Variants in KALRN observed in about 807,000 individuals in gnomAD.
KALRN encodes kalirin RhoGEF kinase.
In KALRN, 70 loss-of-function variants were observed where a neutral mutation model predicts 353.7. The observed-to-expected ratio is 0.20, with a 90% CI of 0.16 to 0.24. The LOEUF is 0.24. Ranked by LOEUF, KALRN falls within the 10% of genes least tolerant of loss-of-function variation. The pLI is 1.00. For missense variants in KALRN, 2,791 were observed against 3,756.7 expected, an observed-to-expected ratio of 0.74 and a Z score of 6.72; for synonymous variants, 1,391 against 1,434.8, an observed-to-expected ratio of 0.97 and a Z score of 0.69.
intron 1 of KALRN, among the ~76,000 whole-genome samples, chr3:124,049,283 G>T (rs751889940): frequency 3.9e-5 from 6 of 152,094 alleles, no homozygotes; most frequent in Non-Finnish European, 7.3e-5. Flanking sequence ...CCTGCTGTTG[G>T]CTAGGAGACT....
intron 33 of KALRN, among the ~76,000 whole-genome samples, chr3:124,538,261 T>TGTGC (rs58600704): frequency 2.9e-5 from 1 of 34,322 alleles, no homozygotes; most frequent in African/African-American, 3.2e-4. Flanking sequence ...TGTGTGTGTT[T>TGTGC]GTGTGTGTGT....
intron 23 of KALRN, among the ~76,000 whole-genome samples, chr3:124,460,327 T>A (rs1311571101): frequency 6.6e-6 from 1 of 152,172 alleles, no homozygotes; most frequent in Non-Finnish European, 1.5e-5. Context: ...TGGTTCCTTC[T>A]GTGACAACAA....
rs913412405 is a variant in KALRN, at chr3:124,623,698, C to A, written c.5183-8722C>A. Among the ~76,000 whole-genome samples the A allele has an allele frequency of 5.3e-5, 8 of 152,230 alleles. No individual in the cohort carries two copies. The East Asian group carries it at 1.4e-3, about 26-fold the overall frequency. On this transcript the variant is annotated intron_variant, in intron 34 of 59. Coordinates refer to ENST00000682506, the MANE Select transcript of KALRN (RefSeq NM_001388419.1). Reference sequence around the variant, plus strand: ...CAGAGTAAGGGTGGGTCTGCCTTCCCCAGCCCACTGACTCAAATGTTAACA... The same window carrying A: ...CAGAGTAAGGGTGGGTCTGCCTTCCACAGCCCACTGACTCAAATGTTAACA...
intron 1 of KALRN, among the ~76,000 whole-genome samples, chr3:124,126,695 C>A (rs1448823557): frequency 6.6e-6 from 1 of 152,232 alleles, no homozygotes; most frequent in Non-Finnish European, 1.5e-5. Flanking sequence ...CTTGCTATAA[C>A]TCATGTACAG....
In KALRN at chr3:124,434,540, T is replaced by G. The variant is rs1308207240; in HGVS notation, c.3048+15T>G. On this transcript the variant is annotated intron_variant, in intron 17 of 59. Coordinates refer to ENST00000682506, the MANE Select transcript of KALRN (RefSeq NM_001388419.1). ...CTTCTGAACAGGTGAGGGAAAAGACTGTGGGGCTTGTGGGGCTGAGATTGC... is the reference window on the plus strand; with the variant it reads ...CTTCTGAACAGGTGAGGGAAAAGACGGTGGGGCTTGTGGGGCTGAGATTGC... 4.3e-6 allele frequency: 7 copies of G among 1,610,278 alleles called. No homozygotes were observed. The highest frequency in any genetic ancestry group is 5.9e-6 in the Non-Finnish European group (7 of 1,176,972).
chr3:124,663,207 A>G (rs1049936289), intron 45 of KALRN, among the ~76,000 whole-genome samples: 1 of 152,158 alleles, frequency 6.6e-6, no homozygotes, highest in South Asian at 2.1e-4. Flanking sequence ...TCGGCCTCCC[A>G]AAGTGCTGGG....
At chr3:124,537,321 T>C (rs184265089) in intron 33 of KALRN, among the ~76,000 whole-genome samples, 1 of 152,198 alleles carries the variant, frequency 6.6e-6, no homozygotes, top group African/African-American at 2.4e-5. Context: ...GGATTACAGG[T>C]GTGAGCCACC....
intron 5 of KALRN, among the ~76,000 whole-genome samples, chr3:124,295,950 A>C (rs993928840): frequency 6.6e-6 from 1 of 152,234 alleles, no homozygotes; most frequent in Non-Finnish European, 1.5e-5. Context: ...GATAGTGCAC[A>C]CAGCACAAAT....
rs547060492 is a variant in KALRN at position 124,575,999 on chromosome 3, G to A, written c.5182+12910G>A. 4.5e-4 allele frequency among the ~76,000 whole-genome samples: 69 copies of A among 152,090 alleles called. No homozygotes were observed. The South Asian group carries it at 0.012, about 27-fold the overall frequency. Reference sequence around the variant, plus strand: ...TCACCTGACCAGCCTGCCTCACTGAGCCATTACCAATCAAGCCATGCATAC... The same window carrying A: ...TCACCTGACCAGCCTGCCTCACTGAACCATTACCAATCAAGCCATGCATAC... On this transcript the variant is annotated intron_variant, in intron 34 of 59. Transcript: ENST00000682506.
At chr3:124,139,989 C>T (rs183637648) in intron 1 of KALRN, among the ~76,000 whole-genome samples, 1 of 152,092 alleles carries the variant, frequency 6.6e-6, no homozygotes, top group Admixed American at 6.6e-5. Flanking sequence ...TCATATTGTA[C>T]CCTAAAGGGC....
At chr3:124,576,427 A>G (rs2074100448) in intron 34 of KALRN, among the ~76,000 whole-genome samples, 1 of 152,130 alleles carries the variant, frequency 6.6e-6, no homozygotes, top group African/African-American at 2.4e-5. Flanking sequence ...GACCAGGCTC[A>G]GCATGTAGAA....
At chr3:124,585,417 C>T (rs2075067776) in intron 34 of KALRN, among the ~76,000 whole-genome samples, 1 of 152,196 alleles carries the variant, frequency 6.6e-6, no homozygotes, top group African/African-American at 2.4e-5. Flanking sequence ...ACATTTTTTT[C>T]TGCCTGGGTT....
chr3:124,098,642 G>A (rs375137141), intron 1 of KALRN, among the ~76,000 whole-genome samples: 4 of 151,946 alleles, frequency 2.6e-5, no homozygotes, highest in Admixed American at 1.3e-4. Context: ...GGCCACCTTC[G>A]CCCCACAGAT....
chr3:124,253,878 CT>C (rs2148786398), intron 3 of KALRN, among the ~76,000 whole-genome samples: 1 of 152,354 alleles, frequency 6.6e-6, no homozygotes, highest in African/African-American at 2.4e-5. Flanking sequence ...CTTCATCCCC[CT>C]GACTGGTCTG....
intron 33 of KALRN, among the ~76,000 whole-genome samples, chr3:124,541,697 A>G (rs927015378): frequency 6.6e-6 from 1 of 151,582 alleles, no homozygotes; most frequent in African/African-American, 2.4e-5. Flanking sequence ...AACCTGGCCA[A>G]CGTGGTGAAA....
intron 51 of KALRN, among the ~76,000 whole-genome samples, chr3:124,686,847 CT>C (rs1440304464): frequency 2.1e-5 from 2 of 95,098 alleles, no homozygotes; most frequent in Non-Finnish European, 3.9e-5. Context: ...CAGGGTCTTT[CT>C]CTGTCATCCA....
chr3:124,721,732 TG>T lies in KALRN; in HGVS notation c.*2264del, dbSNP rs1464271815. The T allele has an allele frequency of 1.3e-5, 2 of 151,644 alleles. No individual in the cohort carries two copies. Among genetic ancestry groups the T allele is most frequent in the Non-Finnish European group, 2.9e-5 (2 of 67,902 alleles). 9.4% of individuals were successfully genotyped at this position (151,644 alleles called of 1,614,324 possible). ...CAGCACTTTGGGAGGCCGAGGCGGG[TG>T]GATCACAAGGTCAGCAGTTCGAGAC... On this transcript the variant is annotated 3_prime_UTR_variant, in exon 60 of 60. Transcript: ENST00000682506.
At chr3:124,545,788 A>G (rs187398353) in intron 33 of KALRN, among the ~76,000 whole-genome samples, 82 of 152,252 alleles carry the variant, frequency 5.4e-4, no homozygotes, top group African/African-American at 1.9e-3. Context: ...CACCTTGATG[A>G]TGCTTCTTTG....
At chr3:124,379,239 T>A (rs560692078) in intron 10 of KALRN, among the ~76,000 whole-genome samples, 102 of 152,274 alleles carry the variant, frequency 6.7e-4, no homozygotes, top group Middle Eastern at 6.8e-3. Context: ...TTTTTAAAAA[T>A]TTTTTTATTT....
Sources: allele counts gnomAD v4.1 joint callset (sites outside exome capture counted in the v4.1 genomes callset), GRCh38; gene constraint gnomAD v4.1.1; transcripts MANE v1.5; gene names NCBI Gene and HGNC (gene_info 2026-07-23, HGNC 2026-07-21).